The following UNC93B1 variants were observed in gnomAD, a reference collection of about 807,000 sequenced individuals.
UNC93B1 encodes protein unc-93 homolog B1.
In UNC93B1, 33 loss-of-function variants were observed where a neutral mutation model predicts 56.8. The ratio of observed to expected loss-of-function variants is 0.58; its 90% CI spans 0.44 to 0.78. The LOEUF (loss-of-function observed/expected upper bound fraction) is 0.78. Ranked by LOEUF, UNC93B1 falls within the 30% of genes least tolerant of loss-of-function variation. The pLI is 0.00. For synonymous variants in UNC93B1, 334 were observed against 358.6 expected (o/e 0.93, Z 0.77); for missense variants, 673 against 819.5 (o/e 0.82, Z 2.18).
At position 67,995,725 on chromosome 11, in the gene UNC93B1, A is replaced by G; in HGVS notation, c.1249T>C (p.Phe417Leu). Residue 417 changes from phenylalanine to leucine, a missense_variant, in exon 9 of 11, where the codon TTC (phenylalanine) becomes CTC (leucine). Phe to Leu is a conservative substitution (Grantham distance 22). Coordinates refer to ENST00000227471, the MANE Select transcript of UNC93B1 (RefSeq NM_030930.4). ...ACAGGGGCCCAGAAAAAGAGGATGAAGGTGAGCAGCAGGTGCACCCCTGCT... is the reference window on the plus strand; with the variant it reads ...ACAGGGGCCCAGAAAAAGAGGATGAGGGTGAGCAGCAGGTGCACCCCTGCT... Reference protein sequence around the residue: ...AGAGVHLLLTFILFFWAPVPR... With the variant: ...AGAGVHLLLTLILFFWAPVPR... 6.5e-7 allele frequency: 1 copy of G among 1,548,582 alleles called. No homozygotes were observed. Among genetic ancestry groups the G allele is most frequent in the South Asian group, 1.2e-5 (1 of 83,956 alleles).
At chr11:68,002,516 C>T (rs1030460050) in intron 3 of UNC93B1, among the ~76,000 whole-genome samples, 5 of 152,118 alleles carry the variant, frequency 3.3e-5, no homozygotes, top group South Asian at 2.1e-4. Flanking sequence ...CACTGTGGAC[C>T]GGTGATGGGG....
At position 67,991,150 on chromosome 11, in the gene UNC93B1, GC is replaced by G. The variant is rs1484781349; in HGVS notation, c.*395del. The stretch of plus-strand genomic sequence containing the variant: ...TGCTCATTTTCTGTAAAAAATCGTG[GC>G]TCTCGGCGGACCCTGGGGATAGGAG... On this transcript the variant is annotated 3_prime_UTR_variant, in exon 11 of 11. Coordinates refer to ENST00000227471, the MANE Select transcript of UNC93B1 (RefSeq NM_030930.4). 5.1e-5 allele frequency: 10 copies of G among 194,314 alleles called. No individual in the cohort carries two copies. Among genetic ancestry groups the G allele is most frequent in the Non-Finnish European group, 1.0e-4 (10 of 96,210 alleles). 12.0% of individuals were successfully genotyped at this position (194,314 alleles called of 1,614,324 possible). A position where few individuals can be genotyped will look rare whatever the true frequency, so the allele number is the denominator to read the frequency against.
Position 67,997,697 on chromosome 11 carries a change from A to C in UNC93B1, c.884T>G (p.Val295Gly). The C allele has an allele frequency of 6.2e-7, 1 of 1,606,578 alleles. No homozygotes were observed. The highest frequency in any genetic ancestry group is 8.5e-7 in the Non-Finnish European group (1 of 1,179,838). ...LIVVESVLMA[V>G]AFLAMLLVLG... ...CACCAGCAGCATGGCCAGGAAGGCCACTGCCATGAGCACGCTCTCCACCAC... is the reference window on the plus strand; with the variant it reads ...CACCAGCAGCATGGCCAGGAAGGCCCCTGCCATGAGCACGCTCTCCACCAC... The change falls in exon 7 of 11, where the codon GTG becomes GGG. Residue 295 changes from valine to glycine, a missense_variant. This residue lies in a region of UNC93B1 where 438 missense variants were observed against 465.9 expected (regional missense o/e 0.94). Transcript: ENST00000227471.
At chr11:67,995,570 T>TCC (rs1565124042) in intron 9 of UNC93B1, 41 bp downstream of exon 9, 2 of 182,062 alleles carry the variant, frequency 1.1e-5, no homozygotes, top group African/African-American at 8.9e-5. Context: ...TAAAGCCCCC[T>TCC]GCCCCGCCCC....
intron 10 of UNC93B1, 77 bp from the exon 11 acceptor site, chr11:67,991,934 G>A: frequency 6.9e-7 from 1 of 1,445,042 alleles, no homozygotes; most frequent in Non-Finnish European, 9.2e-7. Context: ...CCCTCGCTGA[G>A]ATAGGCCCTT....
In UNC93B1 at chr11:67,991,693, C is replaced by A. The variant is rs1372132126; in HGVS notation, c.1647G>T (p.Glu549Asp). The change falls in exon 11 of 11, where the codon GAG becomes GAT. Residue 549 changes from glutamate (E) to aspartate (D), a missense_variant. Around this residue, in one of 3 missense-constraint regions of UNC93B1, gnomAD observed 80 missense variants for 85.3 expected, o/e 0.94. Transcript: ENST00000227471. ...YRYLEEDNSD[E>D]SDAEGEHGDG... The stretch of plus-strand genomic sequence containing the variant: ...CCCCATGCTCGCCCTCCGCGTCGCT[C>A]TCGTCCGAGTTGTCCTCCTCCAAGT... 1 of 1,532,628 alleles carries A rather than the reference C, an allele frequency of 6.5e-7. No individual in the cohort carries two copies. The highest frequency in any genetic ancestry group is 8.7e-7 in the Non-Finnish European group (1 of 1,145,900). The allele number at this position is 1,532,628 out of a possible 1,614,324, so 94.9% of individuals were successfully genotyped here. A position where few individuals can be genotyped will look rare whatever the true frequency, so the allele number is the denominator to read the frequency against.
Position 67,999,287 on chromosome 11 carries a change from A to C in UNC93B1, c.573T>G (p.His191Gln), listed in dbSNP as rs1316157143. The C allele has an allele frequency of 1.2e-6, 2 of 1,613,562 alleles. No homozygotes were observed. Among genetic ancestry groups the C allele is most frequent in the East Asian group, 2.2e-5 (1 of 44,886 alleles). The stretch of plus-strand genomic sequence containing the variant: ...CCTGCTCCTTGTAGTGGGAGTACTC[A>C]TGGTACTTCTGCGCCATCCTGGACC... Reference protein sequence around the residue: ...NYITRMAQKYHEYSHYKEQDG... With the variant: ...NYITRMAQKYQEYSHYKEQDG... The change falls in exon 5 of 11, where the codon CAT (histidine) becomes CAG (glutamine). Residue 191 changes from histidine (H) to glutamine (Q), a missense_variant. Physicochemically the swap from His to Gln is conservative, Grantham distance 24 (BLOSUM62 0). Transcript: ENST00000227471.
Position 67,991,532 on chromosome 11 carries a change from G to A in UNC93B1, c.*14C>T, listed in dbSNP as rs1438184929. On this transcript the variant is annotated 3_prime_UTR_variant, in exon 11 of 11. Coordinates refer to ENST00000227471, the MANE Select transcript of UNC93B1 (RefSeq NM_030930.4). The stretch of plus-strand genomic sequence containing the variant: ...GGCGAGGAGGGAGGCTGAGTCCGGG[G>A]ACCAGGCGGCCCCTCACTGCTCCTC... The A allele has an allele frequency of 2.9e-6, 4 of 1,402,572 alleles. No individual in the cohort carries two copies. Among genetic ancestry groups the A allele is most frequent in the Non-Finnish European group, 3.7e-6 (4 of 1,084,796 alleles). The allele number at this position is 1,402,572 out of a possible 1,614,324, so 86.9% of individuals were successfully genotyped here.
chr11:68,003,299 C>T lies in UNC93B1; in HGVS notation c.239-124G>A. The stretch of plus-strand genomic sequence containing the variant: ...CGAAGGCATTCCCGCTGACAGCGCC[C>T]CTCAGGACAGCGGGGTTCCCGGGCT... On this transcript the variant is annotated intron_variant, in intron 2 of 10. Coordinates refer to ENST00000227471, the MANE Select transcript of UNC93B1 (RefSeq NM_030930.4). This position sits in a 1 kb window ranked among gnomAD's most constrained non-coding sequence, Gnocchi z 4.4. 3 of 1,229,106 alleles carry T rather than the reference C, an allele frequency of 2.4e-6. No individual in the cohort carries two copies. Among genetic ancestry groups the T allele is most frequent in the Non-Finnish European group, 3.3e-6 (3 of 918,032 alleles). 76.1% of individuals were successfully genotyped at this position (1,229,106 alleles called of 1,614,324 possible).
At chr11:67,994,552 A>T (rs1377623924) in intron 9 of UNC93B1, among the ~76,000 whole-genome samples, 1 of 152,132 alleles carries the variant, frequency 6.6e-6, no homozygotes, top group East Asian at 1.9e-4. Flanking sequence ...CTATGAAGAG[A>T]CAAGGACCCC....
rs200747696 is a variant in UNC93B1, at chr11:67,992,186, A to T, written c.1483-329T>A. Among the ~76,000 whole-genome samples, 115 of 152,388 alleles carry T rather than the reference A, an allele frequency of 7.5e-4. No homozygotes were observed. In the East Asian group the frequency reaches 0.019, roughly 25 times the overall value. On this transcript the variant is annotated intron_variant, in intron 10 of 10. Transcript: ENST00000227471. ...CACAGGCCCTGCCTTCCCAGGGCTC[A>T]CAACACTGTGTCCCTGACACACCCG...
intron 7 of UNC93B1, 103 bp from the exon 8 acceptor site, chr11:67,996,887 G>A (rs1463882968): frequency 5.2e-6 from 7 of 1,351,566 alleles, no homozygotes; most frequent in Non-Finnish European, 6.8e-6. Flanking sequence ...CCTTGCCCCA[G>A]CTCGGCCCCG....
intron 9 of UNC93B1, among the ~76,000 whole-genome samples, chr11:67,995,317 G>T (rs1856919655): frequency 6.6e-6 from 1 of 152,116 alleles, no homozygotes; most frequent in Non-Finnish European, 1.5e-5. Context: ...TGTTGATGGG[G>T]CCCTGTGCCC....
intron 9 of UNC93B1, among the ~76,000 whole-genome samples, chr11:67,995,125 C>G (rs1856912620): frequency 6.6e-6 from 1 of 152,204 alleles, no homozygotes; most frequent in Non-Finnish European, 1.5e-5. Flanking sequence ...CTACCACATG[C>G]TCCGTGAAGC....
Position 68,003,571 on chromosome 11 carries a change from G to A in UNC93B1, c.238+86C>T. 6.9e-7 allele frequency: 1 copy of A among 1,459,182 alleles called. No individual in the cohort carries two copies. The highest frequency in any genetic ancestry group is 2.3e-5 in the Admixed American group (1 of 43,876). 90.4% of individuals were successfully genotyped at this position (1,459,182 alleles called of 1,614,324 possible). ...GGGCAGCGGAGGGGAAGTGAGAGCG[G>A]GCGGGAGGCGGCGGCCCGCGGTTTC... On this transcript the variant is annotated intron_variant, in intron 2 of 10. Coordinates refer to ENST00000227471, the MANE Select transcript of UNC93B1 (RefSeq NM_030930.4). This position sits in a 1 kb window ranked among gnomAD's most constrained non-coding sequence, Gnocchi z 4.4.
In UNC93B1 at chr11:67,997,694, G is replaced by A. The variant is rs1856972457; in HGVS notation, c.887C>T (p.Ala296Val). The A allele has an allele frequency of 1.9e-6, 3 of 1,605,918 alleles. No individual in the cohort carries two copies. In the African/African-American group the frequency reaches 4.0e-5, roughly 21 times the overall value. The change falls in exon 7 of 11, where the codon GCC becomes GTC. Residue 296 changes from alanine to valine, a missense_variant. Around this residue, in one of 3 missense-constraint regions of UNC93B1, gnomAD observed 438 missense variants for 465.9 expected, o/e 0.94. Transcript: ENST00000227471. ...CCGCACCAGCAGCATGGCCAGGAAG[G>A]CCACTGCCATGAGCACGCTCTCCAC... is the stretch of plus-strand genomic sequence containing the variant. Reference protein sequence around the residue: ...IVVESVLMAVAFLAMLLVLGL... With the variant: ...IVVESVLMAVVFLAMLLVLGL...
chr11:67,991,928 C>T, intron 10 of UNC93B1, 71 bp from the exon 11 acceptor site: 2 of 1,475,118 alleles, frequency 1.4e-6, no homozygotes, highest in Non-Finnish European at 1.8e-6. Context: ...CTATGCCCCT[C>T]GCTGAGATAG....
chr11:67,994,956 C>T (rs1366954520), intron 9 of UNC93B1, among the ~76,000 whole-genome samples: 3 of 152,196 alleles, frequency 2.0e-5, no homozygotes, highest in East Asian at 3.8e-4. Flanking sequence ...TGGGCCCACC[C>T]GCTGCCTTCT....
In UNC93B1 at chr11:67,998,456, C is replaced by T; in HGVS notation, c.688-4G>A. 6.2e-7 allele frequency: 1 copy of T among 1,613,776 alleles called. No individual in the cohort carries two copies. Among genetic ancestry groups the T allele is most frequent in the Non-Finnish European group, 8.5e-7 (1 of 1,179,770 alleles). On this transcript the variant is annotated splice_polypyrimidine_tract_variant and splice_region_variant and intron_variant, in intron 5 of 10. Coordinates refer to ENST00000227471, the MANE Select transcript of UNC93B1 (RefSeq NM_030930.4). Reference sequence around the variant, plus strand: ...GCTGGGCGCAGGCGAAGCTCAGCTGCAGAAACAAGGGCAGTTGGGACCAGA... The same window carrying T: ...GCTGGGCGCAGGCGAAGCTCAGCTGTAGAAACAAGGGCAGTTGGGACCAGA...
Sources: gnomAD v4.1 joint callset for allele counts (sites outside exome capture counted in the v4.1 genomes callset) on GRCh38, gnomAD v4.1.1 for gene constraint, gnomAD v4.1.1 regional missense constraint, Gnocchi (gnomAD v3.1) non-coding constraint, MANE v1.5 for transcripts, NCBI Gene and HGNC (gene_info 2026-07-23, HGNC 2026-07-21) for gene names.